Variants in RNF216 observed in about 807,000 individuals in gnomAD.
RNF216 encodes the protein ring finger protein 216.
Under a neutral mutation model 110.8 loss-of-function variants are expected in RNF216, and 72 were observed. That is an observed-to-expected ratio of 0.65 (90% confidence interval 0.54 to 0.79). The LOEUF is 0.79. RNF216 is among the 30% of genes least tolerant of loss of function. RNF216 has a pLI of 0.00. For synonymous variants in RNF216, 495 were observed against 407.5 expected (o/e 1.21, Z -2.59); for missense variants, 1,342 against 1,141.2 (o/e 1.18, Z -2.54).
chr7:5,644,016 C>T (rs762646861), intron 14 of RNF216, among the ~76,000 whole-genome samples: 3 of 152,122 alleles, frequency 2.0e-5, no homozygotes, highest in Admixed American at 6.5e-5. Context: ...TAGCATGTAT[C>T]GATACTTCAT....
intron 13 of RNF216, among the ~76,000 whole-genome samples, chr7:5,681,061 CTG>C (rs1399592820): frequency 6.6e-6 from 1 of 152,174 alleles, no homozygotes; most frequent in African/African-American, 2.4e-5. Flanking sequence ...CCTTCCCACA[CTG>C]GGGTCTCAGC....
chr7:5,685,531 G>A (rs1035343311), intron 13 of RNF216, among the ~76,000 whole-genome samples: 1 of 152,222 alleles, frequency 6.6e-6, no homozygotes, highest in African/African-American at 2.4e-5. Context: ...GCTACACGGT[G>A]AACTACATCA....
At chr7:5,743,246 G>GT (rs1794860790) in intron 3 of RNF216, among the ~76,000 whole-genome samples, 3 of 151,968 alleles carry the variant, frequency 2.0e-5, no homozygotes, top group Admixed American at 6.6e-5. Context: ...TGGAGACAGA[G>GT]CAAGACTCTG....
intron 6 of RNF216, among the ~76,000 whole-genome samples, chr7:5,730,027 C>A (rs1311632203): frequency 6.6e-6 from 1 of 152,116 alleles, no homozygotes; most frequent in Non-Finnish European, 1.5e-5. Flanking sequence ...CAAATAATGA[C>A]AATGATTGAA....
chr7:5,752,191 T>C (rs1333976424), intron 3 of RNF216, among the ~76,000 whole-genome samples: 1 of 147,624 alleles, frequency 6.8e-6, no homozygotes, highest in Non-Finnish European at 1.5e-5. Flanking sequence ...CTCAAAAAAA[T>C]AAAAAAAATG....
intron 13 of RNF216, among the ~76,000 whole-genome samples, chr7:5,678,477 C>T (rs73673146): frequency 0.01 from 1,582 of 152,312 alleles, 29 homozygotes; most frequent in African/African-American, 0.037. Flanking sequence ...CACCTGGCGT[C>T]CCCACATGAC....
chr7:5,668,490 T>G (rs1789679566), intron 13 of RNF216, among the ~76,000 whole-genome samples: 1 of 152,154 alleles, frequency 6.6e-6, no homozygotes, highest in African/African-American at 2.4e-5. Flanking sequence ...CCCAAAGTGC[T>G]GGGATTACAG....
rs541071382 is a variant in RNF216 at position 5,632,811 on chromosome 7, C to T, written c.2382+8343G>A. 8.7e-4 allele frequency among the ~76,000 whole-genome samples: 133 copies of T among 152,176 alleles called. 2 individuals are homozygous for T. The highest frequency in any genetic ancestry group is 3.0e-3 in the African/African-American group (124 of 41,550). On this transcript the variant is annotated intron_variant, in intron 15 of 16. Transcript: ENST00000389902. ...AAAACGAAGCCCTCCAGTGCCCCAT[C>T]GCTACTCCAGAAGGTGTACCTATGG...
At chr7:5,758,670 C>G (rs1209068153) in intron 2 of RNF216, among the ~76,000 whole-genome samples, 1 of 152,136 alleles carries the variant, frequency 6.6e-6, no homozygotes, top group South Asian at 2.1e-4. Context: ...GGACCTCTTG[C>G]GTCTTTCTTT....
At chr7:5,661,611 T>C (rs1192926716) in intron 13 of RNF216, among the ~76,000 whole-genome samples, 1 of 152,154 alleles carries the variant, frequency 6.6e-6, no homozygotes, top group Non-Finnish European at 1.5e-5. Context: ...GAGACCAGCC[T>C]GGCCAACATG....
chr7:5,685,326 G>C (rs1041215083), intron 13 of RNF216, among the ~76,000 whole-genome samples: 1 of 152,138 alleles, frequency 6.6e-6, no homozygotes, highest in East Asian at 1.9e-4. Flanking sequence ...AATAAAACGT[G>C]ATTAATGTCA....
At chr7:5,709,377 C>T (rs571384159) in intron 13 of RNF216, among the ~76,000 whole-genome samples, 7 of 152,328 alleles carry the variant, frequency 4.6e-5, no homozygotes, top group Non-Finnish European at 7.3e-5. Context: ...CACAAATTCC[C>T]CAGCCTTTGA....
intron 1 of RNF216, among the ~76,000 whole-genome samples, chr7:5,765,720 A>G (rs187269866): frequency 9.3e-5 from 14 of 150,652 alleles, no homozygotes; most frequent in East Asian, 7.9e-4. Flanking sequence ...AGGCGGGCAG[A>G]CTGCCTGAGC....
chr7:5,687,240 A>T (rs1442674620), intron 13 of RNF216, among the ~76,000 whole-genome samples: 1 of 152,024 alleles, frequency 6.6e-6, no homozygotes, highest in East Asian at 1.9e-4. Flanking sequence ...TACTAAAAAT[A>T]CAAAAATAAA....
At chr7:5,770,717 G>T (rs77881880) in intron 1 of RNF216, among the ~76,000 whole-genome samples, 9,473 of 151,708 alleles carry the variant, frequency 0.062, 348 homozygotes, top group East Asian at 0.12. Flanking sequence ...AGGAGATATT[G>T]TATTACTATT....
At chr7:5,754,793 C>T (rs1360611593) in intron 2 of RNF216, among the ~76,000 whole-genome samples, 1 of 152,032 alleles carries the variant, frequency 6.6e-6, no homozygotes, top group Non-Finnish European at 1.5e-5. Flanking sequence ...TTTGGGAGGC[C>T]TAGACAGGCA....
At chr7:5,633,084 A>G (rs1280177670) in intron 15 of RNF216, among the ~76,000 whole-genome samples, 1 of 151,654 alleles carries the variant, frequency 6.6e-6, no homozygotes, top group African/African-American at 2.4e-5. Flanking sequence ...GGTTCAAGTG[A>G]TTCTCCTGCC....
chr7:5,739,722 C>T (rs550021093), intron 4 of RNF216: 23 of 436,358 alleles, frequency 5.3e-5, no homozygotes, highest in Admixed American at 3.2e-4. Context: ...CCTGGGTGGC[C>T]GGGTGCAGTG....
chr7:5,644,119 T>C (rs1787907901), intron 14 of RNF216, among the ~76,000 whole-genome samples: 2 of 152,232 alleles, frequency 1.3e-5, no homozygotes, highest in Non-Finnish European at 2.9e-5. Flanking sequence ...GCTTTTTGGC[T>C]GGTGTGAATT....
Sources: gnomAD v4.1 joint callset for allele counts (sites outside exome capture counted in the v4.1 genomes callset) on GRCh38, gnomAD v4.1.1 for gene constraint, MANE v1.5 for transcripts, NCBI Gene and HGNC (gene_info 2026-07-23, HGNC 2026-07-21) for gene names.